The following PPP3CA variants were observed in gnomAD, a reference collection of about 807,000 sequenced individuals.
The protein encoded by PPP3CA is CAM-PRP catalytic subunit.
Under a neutral mutation model 66.5 loss-of-function variants are expected in PPP3CA, and 14 were observed. That is an observed-to-expected ratio of 0.21 (90% CI 0.14 to 0.33). PPP3CA has a LOEUF of 0.33. PPP3CA is among the 10% of genes least tolerant of loss of function. The probability of loss-of-function intolerance (pLI) is 1.00; values close to 1 mark genes in which losing one functional copy is unlikely to be tolerated. For synonymous variants in PPP3CA, 232 were observed against 226.2 expected, an observed-to-expected ratio of 1.03 and a Z score of -0.23; for missense variants, 317 against 639.5, an observed-to-expected ratio of 0.50 and a Z score of 5.44.
chr4:101,056,373 G>C (rs1227847972), intron 10 of PPP3CA, among the ~76,000 whole-genome samples: 2 of 152,116 alleles, frequency 1.3e-5, no homozygotes, highest in Non-Finnish European at 2.9e-5. Context: ...GTTAGCTGCT[G>C]TCACTAACAT....
intron 1 of PPP3CA, among the ~76,000 whole-genome samples, chr4:101,339,469 T>A (rs753067013): frequency 6.6e-6 from 1 of 152,166 alleles, no homozygotes; most frequent in African/African-American, 2.4e-5. Flanking sequence ...AGGGACAAAG[T>A]GAGTTCAAGT....
chr4:101,245,322 G>T (rs1224797495), intron 1 of PPP3CA, among the ~76,000 whole-genome samples: 2 of 152,102 alleles, frequency 1.3e-5, no homozygotes, highest in Non-Finnish European at 2.9e-5. Flanking sequence ...CAACATATTT[G>T]TAATCTCCTC....
At chr4:101,104,400 C>T (rs139285817) in intron 3 of PPP3CA, among the ~76,000 whole-genome samples, 5 of 151,986 alleles carry the variant, frequency 3.3e-5, no homozygotes, top group East Asian at 3.9e-4. Flanking sequence ...GCTGTGTGTA[C>T]GTTTGTTCAT....
chr4:101,132,290 T>A (rs1228829697), intron 2 of PPP3CA, among the ~76,000 whole-genome samples: 2 of 151,966 alleles, frequency 1.3e-5, no homozygotes, highest in Non-Finnish European at 2.9e-5. Flanking sequence ...CAAAAAAACC[T>A]TCAAAAAAAT....
At chr4:101,151,374 A>T (rs1322286627) in intron 2 of PPP3CA, among the ~76,000 whole-genome samples, 3 of 151,950 alleles carry the variant, frequency 2.0e-5, no homozygotes, top group Non-Finnish European at 4.4e-5. Flanking sequence ...AGCCTGGCCA[A>T]GATGGTGAAA....
At chr4:101,106,378 AAAG>A (rs1333935390) in intron 3 of PPP3CA, among the ~76,000 whole-genome samples, 49 of 3,074 alleles carry the variant, frequency 0.016, 1 homozygote, top group South Asian at 0.12. Flanking sequence ...GAGAGAAAAG[AAAG>A]AAAGAAAGAA....
chr4:101,164,606 C>T (rs1348512916), intron 2 of PPP3CA, among the ~76,000 whole-genome samples: 7 of 142,178 alleles, frequency 4.9e-5, no homozygotes, highest in South Asian at 2.2e-4. Flanking sequence ...AATTAAAAGC[C>T]GTTGCAAAAT....
chr4:101,034,640 T>C (rs1406899320), intron 11 of PPP3CA, among the ~76,000 whole-genome samples: 2 of 152,092 alleles, frequency 1.3e-5, no homozygotes, highest in African/African-American at 2.4e-5. Flanking sequence ...AATAAAACAG[T>C]AAAAGTTGAA....
intron 1 of PPP3CA, among the ~76,000 whole-genome samples, chr4:101,345,649 T>C (rs73835942): frequency 2.1e-4 from 32 of 152,140 alleles, no homozygotes; most frequent in African/African-American, 7.7e-4. Flanking sequence ...GGATGGTTCC[T>C]CCCCCACTAC....
At chr4:101,213,671 G>A (rs1156828437) in intron 1 of PPP3CA, among the ~76,000 whole-genome samples, 1 of 152,034 alleles carries the variant, frequency 6.6e-6, no homozygotes, top group Non-Finnish European at 1.5e-5. Context: ...ATAACCCTAT[G>A]TAATAGGTAT....
At chr4:101,176,337 A>G (rs1261979918) in intron 2 of PPP3CA, among the ~76,000 whole-genome samples, 2 of 152,218 alleles carry the variant, frequency 1.3e-5, no homozygotes, top group African/African-American at 4.8e-5. Context: ...AAAAGCAACA[A>G]TAACGTGCTG....
intron 1 of PPP3CA, among the ~76,000 whole-genome samples, chr4:101,218,387 A>G (rs530675348): frequency 8.5e-5 from 13 of 152,234 alleles, no homozygotes; most frequent in African/African-American, 2.9e-4. Context: ...AAAACCCGTT[A>G]AAAACTGAAT....
chr4:101,264,996 G>C (rs1367659799), intron 1 of PPP3CA, among the ~76,000 whole-genome samples: 1 of 152,262 alleles, frequency 6.6e-6, no homozygotes, highest in Non-Finnish European at 1.5e-5. Context: ...TTCAGCTCTG[G>C]TCTAGACGAT....
chr4:101,086,068 T>A (rs966993543), intron 6 of PPP3CA, among the ~76,000 whole-genome samples: 2 of 152,132 alleles, frequency 1.3e-5, no homozygotes, highest in Non-Finnish European at 2.9e-5. Context: ...AGGGTATTTA[T>A]TATCTTAGGA....
chr4:101,045,771 A>C (rs1189648407), intron 10 of PPP3CA, among the ~76,000 whole-genome samples: 4 of 152,228 alleles, frequency 2.6e-5, no homozygotes, highest in African/African-American at 9.6e-5. Flanking sequence ...CAACAGAGTT[A>C]AATAAAACTT....
At chr4:101,092,488 C>T (rs1729997313) in intron 6 of PPP3CA, among the ~76,000 whole-genome samples, 1 of 150,756 alleles carries the variant, frequency 6.6e-6, no homozygotes, top group Non-Finnish European at 1.5e-5. Flanking sequence ...GCAGAATGTG[C>T]AGGTTTGTTA....
intron 2 of PPP3CA, among the ~76,000 whole-genome samples, chr4:101,126,367 T>G (rs1722246752): frequency 6.6e-6 from 1 of 152,236 alleles, no homozygotes; most frequent in African/African-American, 2.4e-5. Context: ...CTTCGTTGAT[T>G]CAAATTCCTG....
At chr4:101,121,796 CATAGAGT>C (rs2110273766) in intron 2 of PPP3CA, among the ~76,000 whole-genome samples, 1 of 152,168 alleles carries the variant, frequency 6.6e-6, no homozygotes, top group African/African-American at 2.4e-5. Flanking sequence ...TCTCAAGGAA[CATAGAGT>C]ATGCTTGGGA....
At chr4:101,268,568 TA>T (rs1727239350) in intron 1 of PPP3CA, among the ~76,000 whole-genome samples, 1 of 152,040 alleles carries the variant, frequency 6.6e-6, no homozygotes, top group African/African-American at 2.4e-5. Context: ...ATACATAGAG[TA>T]ACACTGTATT....
Sources: gnomAD v4.1 joint callset for allele counts (sites outside exome capture counted in the v4.1 genomes callset) on GRCh38, gnomAD v4.1.1 for gene constraint, MANE v1.5 for transcripts, NCBI Gene and HGNC (gene_info 2026-07-23, HGNC 2026-07-21) for gene names.